DCC: variants seen among roughly 807,000 people sequenced by gnomAD.
DCC encodes DCC netrin 1 receptor, also known as netrin receptor DCC.
Under a neutral mutation model 172.5 loss-of-function variants are expected in DCC, and 58 were observed. The ratio of observed to expected loss-of-function variants is 0.34; its 90% CI spans 0.27 to 0.42. The LOEUF (loss-of-function observed/expected upper bound fraction) is 0.42, where lower values mean the gene tolerates loss of function less well. DCC is among the 10% of genes least tolerant of loss of function. The probability of loss-of-function intolerance (pLI) is 1.00; values close to 1 mark genes in which losing one functional copy is unlikely to be tolerated. For synonymous variants in DCC, 709 were observed against 644.5 expected, an observed-to-expected ratio of 1.10 and a Z score of -1.52; for missense variants, 1,740 against 1,791.0, an observed-to-expected ratio of 0.97 and a Z score of 0.51.
chr18:53,412,633 G>A (rs1910051699), intron 20 of DCC, among the ~76,000 whole-genome samples: 1 of 135,326 alleles, frequency 7.4e-6, no homozygotes, highest in Non-Finnish European at 1.7e-5. Context: ...TCCCGAAGCT[G>A]AGAAAACTCC....
At chr18:53,495,245 A>G (rs917699222) in intron 26 of DCC, among the ~76,000 whole-genome samples, 14 of 152,092 alleles carry the variant, frequency 9.2e-5, no homozygotes, top group Non-Finnish European at 1.5e-5. Flanking sequence ...TACAAAAACT[A>G]GCTGAGCATG....
intron 1 of DCC, among the ~76,000 whole-genome samples, chr18:52,665,304 G>A (rs192135957): frequency 2.0e-5 from 3 of 152,292 alleles, no homozygotes; most frequent in Admixed American, 6.5e-5. Flanking sequence ...GGACACTTCT[G>A]GGTATGACTT....
At chr18:53,386,761 C>A (rs1908198029) in intron 16 of DCC, among the ~76,000 whole-genome samples, 1 of 152,086 alleles carries the variant, frequency 6.6e-6, no homozygotes, top group South Asian at 2.1e-4. Flanking sequence ...AAAGGCAGTA[C>A]ATAAGAGTGA....
At chr18:53,066,639 A>C (rs2042575094) in intron 7 of DCC, among the ~76,000 whole-genome samples, 1 of 151,710 alleles carries the variant, frequency 6.6e-6, no homozygotes, top group African/African-American at 2.4e-5. Context: ...ATATATACGT[A>C]CACACATATC....
At chr18:52,542,901 T>C (rs572339877) in intron 1 of DCC, among the ~76,000 whole-genome samples, 3 of 152,216 alleles carry the variant, frequency 2.0e-5, no homozygotes, top group South Asian at 2.1e-4. Context: ...TTGAAGATGT[T>C]GTGAATGTTT....
intron 1 of DCC, among the ~76,000 whole-genome samples, chr18:52,477,234 C>G (rs1018630446): frequency 1.3e-5 from 2 of 152,122 alleles, no homozygotes; most frequent in Admixed American, 1.3e-4. Flanking sequence ...GATCACCATT[C>G]CCTGCATCAT....
chr18:52,595,638 GT>G (rs1276148611), intron 1 of DCC, among the ~76,000 whole-genome samples: 1 of 152,152 alleles, frequency 6.6e-6, no homozygotes, highest in Non-Finnish European at 1.5e-5. Flanking sequence ...TCAAATGAAA[GT>G]CCTCAGTCCA....
At chr18:53,010,873 T>C (rs1056795031) in intron 5 of DCC, among the ~76,000 whole-genome samples, 1 of 151,242 alleles carries the variant, frequency 6.6e-6, no homozygotes, top group East Asian at 1.9e-4. Context: ...ATTGTCATTA[T>C]GGTTCATGTT....
chr18:52,736,453 A>T (rs1021121246), intron 1 of DCC, among the ~76,000 whole-genome samples: 2 of 152,038 alleles, frequency 1.3e-5, no homozygotes, highest in Non-Finnish European at 2.9e-5. Context: ...AGTGACTTTG[A>T]TAATTATCAG....
intron 1 of DCC, among the ~76,000 whole-genome samples, chr18:52,428,892 A>T (rs1380518794): frequency 6.6e-6 from 1 of 152,080 alleles, no homozygotes; most frequent in Non-Finnish European, 1.5e-5. Flanking sequence ...CTATTAATAT[A>T]TATATAATAG....
At chr18:53,394,698 A>G (rs370244683) in intron 17 of DCC, among the ~76,000 whole-genome samples, 68 of 152,300 alleles carry the variant, frequency 4.5e-4, no homozygotes, top group African/African-American at 1.6e-3. Context: ...TTAAAATTAC[A>G]TACAACAAGA....
At chr18:52,698,209 G>A (rs2036044816) in intron 1 of DCC, among the ~76,000 whole-genome samples, 1 of 152,152 alleles carries the variant, frequency 6.6e-6, no homozygotes, top group African/African-American at 2.4e-5. Context: ...ACAACATCAA[G>A]CCATGGATGA....
At chr18:52,949,449 T>C (rs148555542) in intron 5 of DCC, among the ~76,000 whole-genome samples, 5 of 152,366 alleles carry the variant, frequency 3.3e-5, no homozygotes, top group Non-Finnish European at 5.9e-5. Context: ...ACAGTTTGAA[T>C]ACTCAAGGTT....
intron 5 of DCC, among the ~76,000 whole-genome samples, chr18:53,042,433 C>T (rs760605297): frequency 9.9e-5 from 15 of 151,826 alleles, no homozygotes; most frequent in Middle Eastern, 6.3e-3. Context: ...ATTTTCACAT[C>T]GATGTTCGTC....
At chr18:53,386,189 G>A (rs1354757833) in intron 16 of DCC, 51 bp downstream of exon 16, 1 of 1,190,918 alleles carries the variant, frequency 8.4e-7, no homozygotes, top group Non-Finnish European at 1.3e-6. Flanking sequence ...GATTTATGGT[G>A]AAAAAAGAAA....
At position 52,973,053 on chromosome 18, in the gene DCC, G is replaced by A. The variant is rs562245144; in HGVS notation, c.985+47683G>A. 2.9e-4 allele frequency among the ~76,000 whole-genome samples: 44 copies of A among 152,306 alleles called. 1 individual carries two copies. The highest frequency in any genetic ancestry group is 2.1e-3 in the South Asian group (10 of 4,826). On this transcript the variant is annotated intron_variant, in intron 5 of 28. Coordinates refer to ENST00000442544, the MANE Select transcript of DCC (RefSeq NM_005215.4). ...CATGTTTCGACAGACCACTTAACCA[G>A]TGTTTTCCTGATAACACGGTGCTAG...
chr18:52,856,649 C>G (rs371100107), intron 2 of DCC, among the ~76,000 whole-genome samples: 10 of 105,682 alleles, frequency 9.5e-5, no homozygotes, highest in South Asian at 3.4e-4. Context: ...AAAAAGAAAA[C>G]AAAATGGCAA....
At chr18:52,460,981 A>G (rs1988611688) in intron 1 of DCC, among the ~76,000 whole-genome samples, 1 of 152,188 alleles carries the variant, frequency 6.6e-6, no homozygotes, top group Admixed American at 6.5e-5. Context: ...TTCTTTAGTA[A>G]TGAATAAATC....
intron 1 of DCC, among the ~76,000 whole-genome samples, chr18:52,490,569 G>A (rs973617329): frequency 2.3e-4 from 35 of 152,072 alleles, no homozygotes; most frequent in African/African-American, 5.3e-4. Flanking sequence ...TTGCTTCCCC[G>A]TGAAGGGCGC....
Sources: allele counts gnomAD v4.1 joint callset (sites outside exome capture counted in the v4.1 genomes callset), GRCh38; gene constraint gnomAD v4.1.1; transcripts MANE v1.5; gene names NCBI Gene and HGNC (gene_info 2026-07-23, HGNC 2026-07-21).